The following RAPGEF2 variants were observed in gnomAD, a reference collection of about 807,000 sequenced individuals.
The protein encoded by RAPGEF2 is PDZ domain containing guanine nucleotide exchange factor (GEF) 1.
RAPGEF2 carries 54 observed loss-of-function variants against 186.7 expected under a neutral mutation model. The ratio of observed to expected loss-of-function variants is 0.29; its 90% CI spans 0.23 to 0.36. The LOEUF is 0.36. RAPGEF2 is among the 10% of genes least tolerant of loss of function. The pLI, the probability that RAPGEF2 is intolerant of heterozygous loss-of-function variation, is 1.00. For synonymous variants in RAPGEF2, 712 were observed against 705.9 expected (o/e 1.01, Z -0.14); for missense variants, 1,532 against 2,045.0 (o/e 0.75, Z 4.84).
chr4:159,238,884 G>A lies in RAPGEF2; in HGVS notation c.357G>A (p.Val119=). 1.3e-6 allele frequency: 2 copies of A among 1,499,796 alleles called. No individual in the cohort carries two copies. The highest frequency in any genetic ancestry group is 1.8e-6 in the Non-Finnish European group (2 of 1,133,252). The allele number at this position is 1,499,796 out of a possible 1,614,324, so 92.9% of individuals were successfully genotyped here. A position where few individuals can be genotyped will look rare whatever the true frequency, so the allele number is the denominator to read the frequency against. Reference sequence around the variant, plus strand: ...TTTTAGAGCCTTCTGAAATGATTGTGGTAAGAGTATTTCTGTGAGGACTAT... The same window carrying A: ...TTTTAGAGCCTTCTGAAATGATTGTAGTAAGAGTATTTCTGTGAGGACTAT... The part of the protein sequence containing the change: ...CIVLEPSEMI[V]VDYMDENEEY... Residue 119 remains valine (V), a splice_region_variant and synonymous_variant, in exon 5 of 30, where the codon GTG becomes GTA. Coordinates refer to ENST00000691494, the MANE Select transcript of RAPGEF2 (RefSeq NM_001394067.2).
At chr4:159,187,723 G>T (rs868158943) in intron 2 of RAPGEF2, among the ~76,000 whole-genome samples, 8 of 152,220 alleles carry the variant, frequency 5.3e-5, no homozygotes, top group East Asian at 3.9e-4. Context: ...CCTTAAGTGG[G>T]ATATAAAATA....
intron 7 of RAPGEF2, among the ~76,000 whole-genome samples, chr4:159,285,798 C>T (rs980031306): frequency 6.6e-6 from 1 of 152,114 alleles, no homozygotes; most frequent in African/African-American, 2.4e-5. Context: ...CCCTCATCAT[C>T]ATTGTCATCT....
intron 17 of RAPGEF2, among the ~76,000 whole-genome samples, chr4:159,336,900 CCT>C (rs1303126833): frequency 6.6e-6 from 1 of 152,074 alleles, no homozygotes; most frequent in Admixed American, 6.5e-5. Context: ...ATATAATTTT[CCT>C]CTTATTTCAA....
At chr4:159,317,033 G>T (rs1458928839) in intron 9 of RAPGEF2, among the ~76,000 whole-genome samples, 1 of 152,134 alleles carries the variant, frequency 6.6e-6, no homozygotes, top group African/African-American at 2.4e-5. Context: ...ATACATATTT[G>T]AAGGGCAATT....
chr4:159,343,003 A>C lies in RAPGEF2; in HGVS notation c.2943A>C (p.Ala981=). ...GTGGCCTAAACCTGGCACCAGTGGC[A>C]AGACTGCGAACGACCTGGGAGAAAC... ...IISGLNLAPV[A]RLRTTWEKLP... is the part of the protein sequence containing the mutation. The change falls in exon 21 of 30, where the codon GCA becomes GCC. Residue 981 remains alanine (A), a synonymous_variant. Coordinates refer to ENST00000691494, the MANE Select transcript of RAPGEF2 (RefSeq NM_001394067.2). 1 of 1,614,060 alleles carries C rather than the reference A, an allele frequency of 6.2e-7. No individual in the cohort carries two copies. The highest frequency in any genetic ancestry group is 8.5e-7 in the Non-Finnish European group (1 of 1,179,936).
chr4:159,335,760 C>T (rs1231248602), intron 17 of RAPGEF2, among the ~76,000 whole-genome samples: 5 of 143,520 alleles, frequency 3.5e-5, no homozygotes, highest in African/African-American at 1.0e-4. Flanking sequence ...GGCGTGAACC[C>T]GGGAGGCGGA....
chr4:159,297,179 A>G (rs1308155386), intron 7 of RAPGEF2, among the ~76,000 whole-genome samples: 1 of 152,124 alleles, frequency 6.6e-6, no homozygotes, highest in Non-Finnish European at 1.5e-5. Flanking sequence ...CTCTGTTACA[A>G]CTCTAAAACA....
At chr4:159,272,167 A>G (rs1344663865) in intron 7 of RAPGEF2, among the ~76,000 whole-genome samples, 1 of 152,178 alleles carries the variant, frequency 6.6e-6, no homozygotes, top group Non-Finnish European at 1.5e-5. Context: ...CCTGACTTCA[A>G]TCATGATCAC....
At chr4:159,139,224 C>A (rs928354903) in intron 1 of RAPGEF2, among the ~76,000 whole-genome samples, 1 of 152,100 alleles carries the variant, frequency 6.6e-6, no homozygotes, top group South Asian at 2.1e-4. Flanking sequence ...GAAAGCAGTA[C>A]CCATAGGTGA....
At chr4:159,198,334 CT>C (rs142277266) in intron 3 of RAPGEF2, among the ~76,000 whole-genome samples, 30,356 of 82,956 alleles carry the variant, frequency 0.37, 5,715 homozygotes, top group African/African-American at 0.51. Flanking sequence ...TTCTTTCTTT[CT>C]TTTTCTTTCT....
At chr4:159,104,288 T>G in intron 1 of RAPGEF2, 57 bp downstream of exon 1, 10 of 815,696 alleles carry the variant, frequency 1.2e-5, no homozygotes, top group Non-Finnish European at 1.3e-5. Context: ...AGGCTGCGTC[T>G]TCCCCTGTCC....
chr4:159,181,596 T>G (rs1300084977), intron 1 of RAPGEF2, among the ~76,000 whole-genome samples: 1 of 107,794 alleles, frequency 9.3e-6, no homozygotes, highest in Non-Finnish European at 1.9e-5. Flanking sequence ...TTTTTTTTTT[T>G]GAGATGGGGT....
At position 159,119,585 on chromosome 4, in the gene RAPGEF2, T is replaced by C. The variant is rs184369910; in HGVS notation, c.69+15354T>C. 6.4e-4 allele frequency among the ~76,000 whole-genome samples: 97 copies of C among 152,328 alleles called. 1 individual carries two copies. Among genetic ancestry groups the C allele is most frequent in the East Asian group, 3.5e-3 (18 of 5,194 alleles). On this transcript the variant is annotated intron_variant, in intron 1 of 29. Coordinates refer to ENST00000691494, the MANE Select transcript of RAPGEF2 (RefSeq NM_001394067.2). ...TCAGGAGACCTCTTTGAAAGTCTTA[T>C]TGAATTATAGAGTTATATTACTGTA...
At chr4:159,287,549 A>G (rs1760663349) in intron 7 of RAPGEF2, among the ~76,000 whole-genome samples, 1 of 152,178 alleles carries the variant, frequency 6.6e-6, no homozygotes, top group Non-Finnish European at 1.5e-5. Flanking sequence ...ACTATAAAGC[A>G]TTATGAAAGT....
In RAPGEF2 at chr4:159,294,386, G is replaced by A. The variant is rs140361377; in HGVS notation, c.544-9956G>A. ...TGGTTATAGAAGCCATCTTCTGATC[G>A]TACCAGCAGCTGCCTCCCTCTCCAG... On this transcript the variant is annotated intron_variant, in intron 7 of 29. Transcript: ENST00000691494. 3.0e-3 allele frequency among the ~76,000 whole-genome samples: 461 copies of A among 152,228 alleles called. 1 individual carries two copies. Among genetic ancestry groups the A allele is most frequent in the African/African-American group, 0.01 (433 of 41,534 alleles).
intron 1 of RAPGEF2, among the ~76,000 whole-genome samples, chr4:159,124,461 C>A (rs908894872): frequency 3.9e-5 from 6 of 152,108 alleles, no homozygotes; most frequent in South Asian, 4.2e-4. Flanking sequence ...ATTGCTTGAA[C>A]CTGGGAGGCA....
chr4:159,230,053 G>A (rs1752464684), intron 4 of RAPGEF2, among the ~76,000 whole-genome samples: 1 of 152,180 alleles, frequency 6.6e-6, no homozygotes, highest in African/African-American at 2.4e-5. Flanking sequence ...AAGGCAAGGT[G>A]TACAGCGTAT....
chr4:159,284,391 G>T (rs958099743), intron 7 of RAPGEF2, among the ~76,000 whole-genome samples: 25 of 151,946 alleles, frequency 1.6e-4, no homozygotes, highest in Admixed American at 2.6e-4. Flanking sequence ...GTGAAATTGA[G>T]CACCTTAAGA....
chr4:159,238,783 T>C (rs1179780621), intron 4 of RAPGEF2, 26 bp from the exon 5 acceptor site: 13 of 1,498,028 alleles, frequency 8.7e-6, no homozygotes, highest in African/African-American at 1.4e-5. Flanking sequence ...GTTCTCCTCA[T>C]TGATTTTTTT....
Sources: allele counts gnomAD v4.1 joint callset (sites outside exome capture counted in the v4.1 genomes callset), GRCh38; gene constraint gnomAD v4.1.1; transcripts MANE v1.5; gene names NCBI Gene and HGNC (gene_info 2026-07-23, HGNC 2026-07-21).